The following LAMA4 variants were observed in gnomAD, a reference collection of about 807,000 sequenced individuals.
The protein encoded by LAMA4 is laminin subunit alpha 4, also known as laminin subunit alpha-4.
In LAMA4, 127 loss-of-function variants were observed where a neutral mutation model predicts 207.1. That is an observed-to-expected ratio of 0.61 (90% CI 0.53 to 0.71). The LOEUF is 0.71. Among genes scored for constraint, LAMA4 ranks in the 30% least tolerant of loss-of-function variants. LAMA4 has a pLI of 0.00. For missense variants in LAMA4, 2,093 were observed against 2,246.5 expected, an observed-to-expected ratio of 0.93 and a Z score of 1.38; for synonymous variants, 761 against 816.0, an observed-to-expected ratio of 0.93 and a Z score of 1.15.
At chr6:112,183,324 T>C (rs531158824) in intron 9 of LAMA4, among the ~76,000 whole-genome samples, 2 of 152,298 alleles carry the variant, frequency 1.3e-5, no homozygotes, top group African/African-American at 4.8e-5. Context: ...GCATTTGTTT[T>C]GAAATGTTTC....
At position 112,200,692 on chromosome 6, in the gene LAMA4, C is replaced by G. The variant is rs1458498032; in HGVS notation, c.503+916G>C. Among the ~76,000 whole-genome samples, 5 of 152,274 alleles carry G rather than the reference C, an allele frequency of 3.3e-5. No individual in the cohort carries two copies. The East Asian group carries it at 9.6e-4, about 29-fold the overall frequency. On this transcript the variant is annotated intron_variant, in intron 5 of 38. Transcript: ENST00000230538. ...TGTGGCACATATACACCATGGAATACTATGCAGTCATAAAAAAGGATGAGT... is the reference window on the plus strand; with the variant it reads ...TGTGGCACATATACACCATGGAATAGTATGCAGTCATAAAAAAGGATGAGT...
chr6:112,153,689 A>G (rs1780531764), intron 16 of LAMA4, among the ~76,000 whole-genome samples: 1 of 152,110 alleles, frequency 6.6e-6, no homozygotes, highest in South Asian at 2.1e-4. Flanking sequence ...CAATACATAG[A>G]TATAGCAACA....
chr6:112,212,956 G>A (rs1784434375), intron 3 of LAMA4, among the ~76,000 whole-genome samples: 1 of 152,194 alleles, frequency 6.6e-6, no homozygotes, highest in South Asian at 2.1e-4. Context: ...AAACTGAGAT[G>A]TAATACCTTT....
chr6:112,132,386 A>G (rs548996657), intron 28 of LAMA4, among the ~76,000 whole-genome samples: 1 of 152,326 alleles, frequency 6.6e-6, no homozygotes, highest in East Asian at 1.9e-4. Flanking sequence ...TGTGATTTCT[A>G]TTAATGACAA....
At chr6:112,150,651 G>A (rs1005431236) in intron 16 of LAMA4, 24 bp from the exon 17 acceptor site, 5 of 1,540,784 alleles carry the variant, frequency 3.2e-6, no homozygotes, top group Middle Eastern at 3.4e-4. Flanking sequence ...GCAGAAAGAA[G>A]TACTAGTGGA....
chr6:112,141,534 A>G, intron 20 of LAMA4, 31 bp from the exon 21 acceptor site: 1 of 1,493,232 alleles, frequency 6.7e-7, no homozygotes, highest in Non-Finnish European at 9.3e-7. Context: ...AAGTCATTTA[A>G]ATAAAATTCA....
At chr6:112,195,197 G>A (rs1783340293) in intron 5 of LAMA4, among the ~76,000 whole-genome samples, 1 of 152,070 alleles carries the variant, frequency 6.6e-6, no homozygotes, top group African/African-American at 2.4e-5. Context: ...TGGGAGGGAT[G>A]TCACTCTGTA....
chr6:112,136,544 T>C (rs1554331676), intron 24 of LAMA4, among the ~76,000 whole-genome samples: 1 of 151,900 alleles, frequency 6.6e-6, no homozygotes, highest in Non-Finnish European at 1.5e-5. Context: ...ATACAAAAAC[T>C]AGCCAGGCGT....
intron 9 of LAMA4, among the ~76,000 whole-genome samples, chr6:112,184,815 G>A (rs2114928758): frequency 6.6e-6 from 1 of 152,134 alleles, no homozygotes; most frequent in Middle Eastern, 3.4e-3. Context: ...GCTTTCTCAG[G>A]ACAATTCCCT....
chr6:112,249,938 T>C (rs528029545), intron 2 of LAMA4, among the ~76,000 whole-genome samples: 110 of 152,350 alleles, frequency 7.2e-4, no homozygotes, highest in African/African-American at 2.5e-3. Context: ...TCTTATAGAA[T>C]GTTAGTACAT....
intron 17 of LAMA4, among the ~76,000 whole-genome samples, 196 bp from the exon 18 acceptor site, chr6:112,148,532 T>A (rs903647442): frequency 2.6e-5 from 4 of 152,202 alleles, no homozygotes; most frequent in Non-Finnish European, 5.9e-5. Flanking sequence ...GAAGAGTAAT[T>A]GTATTTCCTA....
chr6:112,124,717 T>C (rs1472685006), intron 31 of LAMA4, among the ~76,000 whole-genome samples: 1 of 151,956 alleles, frequency 6.6e-6, no homozygotes, highest in Non-Finnish European at 1.5e-5. Flanking sequence ...GTTGAGCTAC[T>C]GAAGAAAAAG....
intron 12 of LAMA4, 168 bp downstream of exon 12, chr6:112,172,443 A>G (rs868985579): frequency 3.1e-6 from 2 of 649,758 alleles, no homozygotes; most frequent in Admixed American, 2.5e-5. Flanking sequence ...ACTTGATTTT[A>G]GGAACACACA....
chr6:112,139,171 T>C lies in LAMA4; in HGVS notation c.3231A>G (p.Ile1077Met). ...GKFGQVTRFD[I>M]EVRTPADNGL... is the part of the protein sequence containing the mutation. The stretch of plus-strand genomic sequence containing the variant: ...CGTTGTCAGCTGGTGTTCGAACTTC[T>C]ATGTCAAAGCGAGTCACCTGACCAA... Residue 1077 changes from isoleucine to methionine, a missense_variant, in exon 24 of 39, where the codon ATA becomes ATG. This residue lies in a region of LAMA4 where 1,704 missense variants were observed against 1,788.4 expected (regional missense o/e 0.95). Transcript: ENST00000230538. 6.2e-7 allele frequency: 1 copy of C among 1,614,178 alleles called. No individual in the cohort carries two copies. Among genetic ancestry groups the C allele is most frequent in the African/African-American group, 1.3e-5 (1 of 75,056 alleles).
intron 2 of LAMA4, among the ~76,000 whole-genome samples, chr6:112,223,182 T>A (rs1188752911): frequency 4.7e-5 from 7 of 148,062 alleles, no homozygotes; most frequent in Non-Finnish European, 1.1e-4. Flanking sequence ...TGCTGCCAGA[T>A]TTTTTTTTTT....
intron 12 of LAMA4, 135 bp downstream of exon 12, chr6:112,172,476 A>G: frequency 2.4e-6 from 2 of 822,016 alleles, no homozygotes; most frequent in South Asian, 1.6e-5. Flanking sequence ...ATAGCACCAA[A>G]AAACACACCA....
At chr6:112,191,078 C>T (rs2114962777) in intron 6 of LAMA4, among the ~76,000 whole-genome samples, 1 of 151,798 alleles carries the variant, frequency 6.6e-6, no homozygotes. Context: ...TCATGGCAAC[C>T]TCTGCCTCCA....
intron 28 of LAMA4, among the ~76,000 whole-genome samples, chr6:112,131,922 A>T (rs949161379): frequency 6.6e-6 from 1 of 152,198 alleles, no homozygotes; most frequent in Admixed American, 6.6e-5. Context: ...TCTTACAGTC[A>T]CCAATCCTCT....
chr6:112,241,302 A>T (rs956336211), intron 2 of LAMA4, among the ~76,000 whole-genome samples: 5 of 150,102 alleles, frequency 3.3e-5, no homozygotes, highest in South Asian at 2.1e-4. Flanking sequence ...TAAGGGAAGG[A>T]CTCCCCATTG....
Sources: gnomAD v4.1 joint callset for allele counts (sites outside exome capture counted in the v4.1 genomes callset) on GRCh38, gnomAD v4.1.1 for gene constraint, gnomAD v4.1.1 regional missense constraint, MANE v1.5 for transcripts, NCBI Gene and HGNC (gene_info 2026-07-23, HGNC 2026-07-21) for gene names.